Variants in RBFOX1 observed in about 807,000 individuals in gnomAD.
RBFOX1 encodes RNA binding fox-1 homolog 1, also known as RNA binding protein fox-1 homolog 1.
A neutral mutation model predicts 57.7 loss-of-function variants in RBFOX1; 8 were observed. The observed-to-expected ratio is 0.14, with a 90% CI of 0.08 to 0.25. The LOEUF (loss-of-function observed/expected upper bound fraction) is 0.25, where lower values mean the gene tolerates loss of function less well. Ranked by LOEUF, RBFOX1 falls within the 10% of genes least tolerant of loss-of-function variation. The pLI, the probability that RBFOX1 is intolerant of heterozygous loss-of-function variation, is 1.00. For synonymous variants in RBFOX1, 326 were observed against 222.4 expected (o/e 1.47, Z -4.15); for missense variants, 611 against 548.5 (o/e 1.11, Z -1.14).
At chr16:7,215,181 A>C (rs2091833136) in intron 4 of RBFOX1, among the ~76,000 whole-genome samples, 1 of 152,106 alleles carries the variant, frequency 6.6e-6, no homozygotes, top group Non-Finnish European at 1.5e-5. Flanking sequence ...TTCCTGTGTT[A>C]GTTTGCTGAG....
At chr16:6,721,028 G>C (rs953761558) in intron 3 of RBFOX1, among the ~76,000 whole-genome samples, 1 of 152,152 alleles carries the variant, frequency 6.6e-6, no homozygotes, top group African/African-American at 2.4e-5. Flanking sequence ...CTTTTATGCT[G>C]GTGGTCAGGC....
At chr16:7,598,745 TAATA>T (rs1472339257) in intron 9 of RBFOX1, among the ~76,000 whole-genome samples, 1 of 152,224 alleles carries the variant, frequency 6.6e-6, no homozygotes, top group East Asian at 1.9e-4. Context: ...TTGGGTTTTT[TAATA>T]AATCTATATA....
intron 14 of RBFOX1, among the ~76,000 whole-genome samples, chr16:7,691,481 G>C (rs560024478): frequency 1.8e-4 from 28 of 152,062 alleles, no homozygotes; most frequent in Admixed American, 1.6e-3. Context: ...GAGAGGAAAA[G>C]AGGAAGAAAG....
In RBFOX1 at chr16:5,641,183, C is replaced by T. The variant is rs371647298; in HGVS notation, c.318+42222C>T. Reference sequence around the variant, plus strand: ...TGTACACACATGCACACCATGGATACACACAGGCACACACATGCACACCAT... The same window carrying T: ...TGTACACACATGCACACCATGGATATACACAGGCACACACATGCACACCAT... On this transcript the variant is annotated intron_variant, in intron 3 of 19. Coordinates refer to the RBFOX1 transcript ENST00000641259. Among the ~76,000 whole-genome samples, 107 of 152,072 alleles carry T rather than the reference C, an allele frequency of 7.0e-4. 1 individual carries two copies. Among genetic ancestry groups the T allele is most frequent in the African/African-American group, 2.4e-3 (101 of 41,472 alleles).
chr16:6,941,870 C>A (rs994686770), intron 3 of RBFOX1, among the ~76,000 whole-genome samples: 1 of 152,036 alleles, frequency 6.6e-6, no homozygotes, highest in Non-Finnish European at 1.5e-5. Context: ...GCAGTAAGTG[C>A]AATCATAACT....
intron 3 of RBFOX1, among the ~76,000 whole-genome samples, chr16:6,900,065 A>G (rs943079037): frequency 6.6e-6 from 1 of 152,182 alleles, no homozygotes; most frequent in Non-Finnish European, 1.5e-5. Flanking sequence ...TAAATGAGTT[A>G]ATACTCATAA....
intron 4 of RBFOX1, among the ~76,000 whole-genome samples, chr16:7,267,829 C>A (rs576829585): frequency 1.6e-4 from 24 of 152,240 alleles, no homozygotes; most frequent in Non-Finnish European, 2.6e-4. Flanking sequence ...GCACTCCAGC[C>A]GGGGCAACAG....
At chr16:6,815,714 C>A in intron 3 of RBFOX1, among the ~76,000 whole-genome samples, 1 of 152,148 alleles carries the variant, frequency 6.6e-6, no homozygotes, top group East Asian at 1.9e-4. Context: ...CACACTTAAC[C>A]ATTACCCACT....
At chr16:5,425,105 C>T (rs12597354) in intron 1 of RBFOX1, among the ~76,000 whole-genome samples, 6,166 of 130,544 alleles carry the variant, frequency 0.047, 259 homozygotes, top group East Asian at 0.073. Flanking sequence ...ATCTATCTAT[C>T]TATCTATCTA....
intron 1 of RBFOX1, among the ~76,000 whole-genome samples, chr16:6,157,320 A>G (rs150623049): frequency 6.6e-6 from 1 of 152,290 alleles, no homozygotes; most frequent in Non-Finnish European, 1.5e-5. Context: ...TTCTCTGGGC[A>G]AATGGTTGCC....
intron 2 of RBFOX1, among the ~76,000 whole-genome samples, chr16:6,328,371 G>A (rs1023526712): frequency 2.6e-5 from 4 of 152,028 alleles, no homozygotes; most frequent in East Asian, 1.9e-4. Flanking sequence ...CTCACAGATC[G>A]CCACTAAAGA....
At chr16:6,866,733 G>A (rs558209885) in intron 3 of RBFOX1, among the ~76,000 whole-genome samples, 1 of 151,600 alleles carries the variant, frequency 6.6e-6, no homozygotes, top group African/African-American at 2.4e-5. Context: ...TAGTAGAGAA[G>A]GGGTTTCACC....
At chr16:5,784,645 A>C (rs1056921044) in intron 3 of RBFOX1, among the ~76,000 whole-genome samples, 2 of 152,120 alleles carry the variant, frequency 1.3e-5, no homozygotes, top group Non-Finnish European at 2.9e-5. Flanking sequence ...TGTTGATTAC[A>C]TTTCAACATG....
At chr16:6,133,615 C>T (rs1167489610) in intron 1 of RBFOX1, among the ~76,000 whole-genome samples, 3 of 152,198 alleles carry the variant, frequency 2.0e-5, no homozygotes, top group Non-Finnish European at 4.4e-5. Context: ...ATTTCACTCC[C>T]TACCTAAAAC....
chr16:7,414,560 T>C (rs2098460863), intron 4 of RBFOX1, among the ~76,000 whole-genome samples: 1 of 152,240 alleles, frequency 6.6e-6, no homozygotes, highest in Admixed American at 6.5e-5. Context: ...TAGGAACTTG[T>C]TGAAGGTCTA....
chr16:7,208,374 G>C (rs192175807), intron 4 of RBFOX1, among the ~76,000 whole-genome samples: 3 of 152,184 alleles, frequency 2.0e-5, no homozygotes, highest in Non-Finnish European at 2.9e-5. Context: ...GGGTGTTTTG[G>C]CTTATGGTTC....
At chr16:6,146,631 A>G (rs1361178752) in intron 1 of RBFOX1, among the ~76,000 whole-genome samples, 1 of 152,232 alleles carries the variant, frequency 6.6e-6, no homozygotes, top group African/African-American at 2.4e-5. Context: ...TAAAGTCCTT[A>G]GGACGATGCT....
At chr16:7,174,543 G>C (rs1054476880) in intron 4 of RBFOX1, among the ~76,000 whole-genome samples, 5 of 152,200 alleles carry the variant, frequency 3.3e-5, no homozygotes, top group African/African-American at 1.2e-4. Context: ...CCCTTTGGGA[G>C]GCAGAGGCAG....
intron 4 of RBFOX1, among the ~76,000 whole-genome samples, chr16:7,423,817 G>A (rs531467489): frequency 1.3e-5 from 2 of 152,108 alleles, no homozygotes; most frequent in Admixed American, 6.5e-5. Flanking sequence ...CTCCCCTCCC[G>A]TAAATCAGCA....
Sources: gnomAD v4.1 joint callset for allele counts (sites outside exome capture counted in the v4.1 genomes callset) on GRCh38, gnomAD v4.1.1 for gene constraint, MANE v1.5 for transcripts, NCBI Gene and HGNC (gene_info 2026-07-23, HGNC 2026-07-21) for gene names.